CRISP1: variants seen among roughly 807,000 people sequenced by gnomAD.
The protein encoded by CRISP1 is cysteine-rich secretory protein 1.
In CRISP1, 44 loss-of-function variants were observed where a neutral mutation model predicts 33.1. The observed-to-expected ratio is 1.33, with a 90% confidence interval of 1.05 to 1.71. CRISP1 has a LOEUF of 1.71. CRISP1 is among the 40% of genes most tolerant of loss of function. CRISP1 has a pLI of 0.00. For synonymous variants in CRISP1, 103 were observed against 98.7 expected, an observed-to-expected ratio of 1.04 and a Z score of -0.26; for missense variants, 390 against 301.2, an observed-to-expected ratio of 1.29 and a Z score of -2.18.
chr6:49,846,410 G>C, intron 5 of CRISP1, 110 bp downstream of exon 5: 1 of 1,145,392 alleles, frequency 8.7e-7, no homozygotes, highest in Non-Finnish European at 1.2e-6. Context: ...AGTAAATTGA[G>C]TAAAGATTGC....
chr6:49,858,692 G>A (rs1368552249), intron 1 of CRISP1, among the ~76,000 whole-genome samples: 1 of 151,822 alleles, frequency 6.6e-6, no homozygotes, highest in Non-Finnish European at 1.5e-5. Context: ...TCGTAATATG[G>A]TGACACAGAT....
intron 4 of CRISP1, among the ~76,000 whole-genome samples, chr6:49,846,973 A>G (rs1771195092): frequency 6.6e-6 from 1 of 152,170 alleles, no homozygotes; most frequent in Non-Finnish European, 1.5e-5. Context: ...GAGAAGCATA[A>G]GAGTGCTAAC....
chr6:49,867,146 A>G (rs1771818290), upstream of CRISP1, among the ~76,000 whole-genome samples: 1 of 152,184 alleles, frequency 6.6e-6, no homozygotes, highest in Non-Finnish European at 1.5e-5. Context: ...CTAAATTGTA[A>G]AACACTAAAA....
intron 1 of CRISP1, among the ~76,000 whole-genome samples, chr6:49,860,161 T>C (rs1771607079): frequency 6.6e-6 from 1 of 152,104 alleles, no homozygotes; most frequent in Admixed American, 6.5e-5. Context: ...CAAACTCCAA[T>C]GCTATAATAG....
intron 1 of CRISP1, among the ~76,000 whole-genome samples, chr6:49,865,504 G>A (rs1424670347): frequency 6.6e-6 from 1 of 152,124 alleles, no homozygotes; most frequent in African/African-American, 2.4e-5. Context: ...CTTGTCTAAT[G>A]ATTTTCTCTC....
chr6:49,842,960 A>T (rs1250627390), intron 5 of CRISP1, among the ~76,000 whole-genome samples: 3 of 152,208 alleles, frequency 2.0e-5, no homozygotes, highest in African/African-American at 7.2e-5. Flanking sequence ...GAAACAGGAA[A>T]TGAGAGAAAT....
intron 5 of CRISP1, among the ~76,000 whole-genome samples, chr6:49,844,544 T>G (rs1771095891): frequency 1.5e-5 from 2 of 132,334 alleles, no homozygotes; most frequent in South Asian, 4.4e-4. Flanking sequence ...TAGCAGGGCC[T>G]CTTCTGAGAG....
chr6:49,861,762 A>G (rs1374773405), intron 1 of CRISP1, among the ~76,000 whole-genome samples: 2 of 151,944 alleles, frequency 1.3e-5, no homozygotes, highest in Non-Finnish European at 2.9e-5. Flanking sequence ...GCACGCACCT[A>G]TAGTCCTAGC....
chr6:49,841,896 T>C (rs1159680479), intron 5 of CRISP1, among the ~76,000 whole-genome samples: 1 of 152,180 alleles, frequency 6.6e-6, no homozygotes, highest in Non-Finnish European at 1.5e-5. Context: ...ATGGTAGGAT[T>C]AAACATTCAA....
chr6:49,861,666 T>G (rs1771657340), intron 1 of CRISP1, among the ~76,000 whole-genome samples: 1 of 152,020 alleles, frequency 6.6e-6, no homozygotes, highest in Admixed American at 6.6e-5. Flanking sequence ...GGCAAATCAC[T>G]TGAGGTCATG....
intron 1 of CRISP1, among the ~76,000 whole-genome samples, chr6:49,861,208 A>T (rs1169337756): frequency 2.6e-5 from 4 of 152,180 alleles, no homozygotes; most frequent in Non-Finnish European, 5.9e-5. Flanking sequence ...TTCCAAAAAA[A>T]TTCAAGGAAA....
At chr6:49,840,644 T>A (rs1391835272) in intron 6 of CRISP1, among the ~76,000 whole-genome samples, 3 of 152,146 alleles carry the variant, frequency 2.0e-5, no homozygotes, top group Non-Finnish European at 2.9e-5. Context: ...TTTTTTTAAA[T>A]AAGAGAAAAT....
intron 7 of CRISP1, among the ~76,000 whole-genome samples, chr6:49,835,846 A>G (rs1161002601): frequency 6.6e-6 from 1 of 152,232 alleles, no homozygotes; most frequent in African/African-American, 2.4e-5. Flanking sequence ...AAAGTAATGT[A>G]TAGCCAATGG....
At chr6:49,842,705 T>G (rs1771034801) in intron 5 of CRISP1, among the ~76,000 whole-genome samples, 2 of 152,098 alleles carry the variant, frequency 1.3e-5, no homozygotes, top group African/African-American at 4.8e-5. Flanking sequence ...TGCGCTCAGC[T>G]GCTTCTGATT....
At chr6:49,860,041 A>G (rs1180270137) in intron 1 of CRISP1, among the ~76,000 whole-genome samples, 3 of 152,170 alleles carry the variant, frequency 2.0e-5, no homozygotes, top group Non-Finnish European at 4.4e-5. Flanking sequence ...TCATTATGTA[A>G]TGAAAAAGGG....
rs558998799 is a variant in CRISP1 at position 49,838,112 on chromosome 6, A to AG, written c.622+324dup. Among the ~76,000 whole-genome samples, 177 of 152,282 alleles carry AG rather than the reference A, an allele frequency of 1.2e-3. 1 individual carries two copies. The highest frequency in any genetic ancestry group is 4.0e-3 in the African/African-American group (168 of 41,554). ...TGGGCCTAAATTATGGGTTGCAGTA[A>AG]GGGGGTCCAAGAACTTTTTAGAGAG... On this transcript the variant is annotated intron_variant, in intron 7 of 7. Transcript: ENST00000335847.
At chr6:49,840,113 T>C (rs1355689520) in intron 6 of CRISP1, among the ~76,000 whole-genome samples, 2 of 152,300 alleles carry the variant, frequency 1.3e-5, no homozygotes, top group South Asian at 2.1e-4. Context: ...TCAGCAGAAG[T>C]GCAGAAGTGA....
At chr6:49,851,944 TC>T (rs1441304421) in intron 3 of CRISP1, 56 bp downstream of exon 3, 27 of 1,544,564 alleles carry the variant, frequency 1.7e-5, no homozygotes, top group Non-Finnish European at 2.4e-5. Context: ...TTAATAAAAC[TC>T]AGTAAACACC....
chr6:49,876,596 G>A (rs1273735606), intron 1 of CRISP1, among the ~76,000 whole-genome samples: 1 of 151,970 alleles, frequency 6.6e-6, no homozygotes, highest in East Asian at 1.9e-4. Context: ...TGTGTTCACA[G>A]CAGCACTATT....
Sources: gnomAD v4.1 joint callset for allele counts (sites outside exome capture counted in the v4.1 genomes callset) on GRCh38, gnomAD v4.1.1 for gene constraint, MANE v1.5 for transcripts, NCBI Gene and HGNC (gene_info 2026-07-23, HGNC 2026-07-21) for gene names.